EYS: variants seen among roughly 807,000 people sequenced by gnomAD.
EYS encodes EGF-like photoreceptor maintenance factor.
A neutral mutation model predicts 282.1 loss-of-function variants in EYS; 250 were observed. That is an observed-to-expected ratio of 0.89 (90% confidence interval 0.80 to 0.98). The LOEUF (loss-of-function observed/expected upper bound fraction) is 0.98, where lower values mean the gene tolerates loss of function less well. Among genes scored for constraint, EYS ranks in the 50% least tolerant of loss-of-function variants. The pLI is 0.00. For missense variants in EYS, 4,016 were observed against 3,709.0 expected, an observed-to-expected ratio of 1.08 and a Z score of -2.15; for synonymous variants, 1,355 against 1,282.9, an observed-to-expected ratio of 1.06 and a Z score of -1.20.
chr6:65,132,137 GTA>G (rs1561982247), intron 12 of EYS, among the ~76,000 whole-genome samples: 2 of 152,028 alleles, frequency 1.3e-5, no homozygotes, highest in African/African-American at 4.8e-5. Context: ...TCTACCATAT[GTA>G]TAAGGAAGAG....
At chr6:64,167,076 A>T (rs1209127880) in intron 31 of EYS, among the ~76,000 whole-genome samples, 1 of 152,192 alleles carries the variant, frequency 6.6e-6, no homozygotes, top group East Asian at 1.9e-4. Flanking sequence ...GCTGGTCCAA[A>T]ATACTTTGAT....
chr6:64,338,480 A>G (rs1770950428), intron 29 of EYS, among the ~76,000 whole-genome samples: 1 of 152,088 alleles, frequency 6.6e-6, no homozygotes, highest in East Asian at 1.9e-4. Flanking sequence ...GAAATCGTAG[A>G]CAACACAAAC....
At chr6:65,564,020 A>T (rs1224295028) in intron 2 of EYS, among the ~76,000 whole-genome samples, 2 of 152,188 alleles carry the variant, frequency 1.3e-5, no homozygotes, top group Non-Finnish European at 2.9e-5. Flanking sequence ...TCCCATTCAC[A>T]ATTGCTACAA....
chr6:64,042,325 A>G (rs1027687952), intron 33 of EYS, among the ~76,000 whole-genome samples: 7 of 152,230 alleles, frequency 4.6e-5, no homozygotes, highest in South Asian at 4.1e-4. Flanking sequence ...CTTCTCAGTT[A>G]GTAACAGGGC....
At chr6:65,104,305 A>G (rs1296551557) in intron 12 of EYS, among the ~76,000 whole-genome samples, 1 of 151,410 alleles carries the variant, frequency 6.6e-6, no homozygotes, top group Non-Finnish European at 1.5e-5. Context: ...TGTGTCCTTC[A>G]ATGTTTAGAA....
intron 2 of EYS, among the ~76,000 whole-genome samples, chr6:65,537,408 C>A (rs942264689): frequency 2.0e-5 from 3 of 151,998 alleles, no homozygotes; most frequent in Non-Finnish European, 4.4e-5. Flanking sequence ...GTAAATTAAA[C>A]CCTAAACATT....
intron 35 of EYS, among the ~76,000 whole-genome samples, chr6:63,873,075 C>T (rs557204980): frequency 6.6e-6 from 1 of 152,140 alleles, no homozygotes; most frequent in African/African-American, 2.4e-5. Flanking sequence ...CATATGTATG[C>T]ATGTGCCATG....
At chr6:65,659,161 G>A (rs1476380995) in intron 1 of EYS, among the ~76,000 whole-genome samples, 1 of 151,546 alleles carries the variant, frequency 6.6e-6, no homozygotes, top group Non-Finnish European at 1.5e-5. Context: ...TTATTTTTAA[G>A]AAGGAAAGAT....
intron 13 of EYS, among the ~76,000 whole-genome samples, chr6:65,053,577 T>A (rs758119639): frequency 2.0e-5 from 3 of 151,710 alleles, no homozygotes; most frequent in Admixed American, 6.6e-5. Context: ...CACAATTAGC[T>A]CAAAAAATAG....
At chr6:63,763,870 T>TTATATATATATATATATATATA (rs55668347) in intron 40 of EYS, among the ~76,000 whole-genome samples, 5 of 129,664 alleles carry the variant, frequency 3.9e-5, no homozygotes, top group East Asian at 2.3e-4. Context: ...TTATATCTTG[T>TTATATATATATATATATATATA]TATATATATA....
chr6:65,325,910 A>G (rs568243389), intron 11 of EYS, among the ~76,000 whole-genome samples: 25 of 152,242 alleles, frequency 1.6e-4, no homozygotes, highest in Admixed American at 1.4e-3. Flanking sequence ...CTTGAACTCA[A>G]AATAGTCAAA....
intron 35 of EYS, among the ~76,000 whole-genome samples, chr6:63,948,594 T>C (rs1765468581): frequency 6.8e-6 from 1 of 147,122 alleles, no homozygotes; most frequent in Non-Finnish European, 1.5e-5. Flanking sequence ...TCTCTCTCCC[T>C]GATTTCCTTT....
chr6:64,200,146 A>T (rs186338150), intron 31 of EYS, among the ~76,000 whole-genome samples: 2 of 152,332 alleles, frequency 1.3e-5, no homozygotes, highest in Admixed American at 1.3e-4. Flanking sequence ...GAGGCAGTAA[A>T]AGAGACCAGT....
At chr6:65,601,602 G>A (rs1249934974) in intron 2 of EYS, among the ~76,000 whole-genome samples, 3 of 151,882 alleles carry the variant, frequency 2.0e-5, no homozygotes, top group African/African-American at 4.8e-5. Flanking sequence ...TCCACTGTAA[G>A]CCTATCAAAT....
At chr6:64,185,910 A>G (rs1562243347) in intron 31 of EYS, among the ~76,000 whole-genome samples, 3 of 152,142 alleles carry the variant, frequency 2.0e-5, no homozygotes, top group Non-Finnish European at 4.4e-5. Context: ...TTTAGATGTA[A>G]AAGTTAAAAA....
At chr6:64,717,641 C>A (rs1176761369) in intron 22 of EYS, among the ~76,000 whole-genome samples, 2 of 152,212 alleles carry the variant, frequency 1.3e-5, no homozygotes. Context: ...GAACTGGCAC[C>A]CCTAGTTTAA....
At chr6:64,823,669 C>A (rs986547945) in intron 19 of EYS, among the ~76,000 whole-genome samples, 2 of 151,906 alleles carry the variant, frequency 1.3e-5, no homozygotes, top group Non-Finnish European at 2.9e-5. Context: ...CTCATCAAAC[C>A]GATAGGCAGA....
intron 14 of EYS, among the ~76,000 whole-genome samples, chr6:64,970,314 A>T (rs1203008674): frequency 6.6e-6 from 1 of 152,142 alleles, no homozygotes; most frequent in Non-Finnish European, 1.5e-5. Context: ...CATAGTGCTC[A>T]TACATCCCGA....
At chr6:64,158,686 T>C (rs1182744940) in intron 31 of EYS, among the ~76,000 whole-genome samples, 3 of 152,232 alleles carry the variant, frequency 2.0e-5, no homozygotes, top group Non-Finnish European at 2.9e-5. Context: ...ATCTGTCTAT[T>C]GATTAACTCA....
Sources: allele counts gnomAD v4.1 joint callset (sites outside exome capture counted in the v4.1 genomes callset), GRCh38; gene constraint gnomAD v4.1.1; transcripts MANE v1.5; gene names NCBI Gene and HGNC (gene_info 2026-07-23, HGNC 2026-07-21).